The following PLXNA4 variants were observed in gnomAD, a reference collection of about 807,000 sequenced individuals.
PLXNA4 encodes plexin A4.
PLXNA4 carries 44 observed loss-of-function variants against 191.8 expected under a neutral mutation model. The ratio of observed to expected loss-of-function variants is 0.23; its 90% CI spans 0.18 to 0.29. PLXNA4 has a LOEUF of 0.29. Among genes scored for constraint, PLXNA4 ranks in the 10% least tolerant of loss-of-function variants. The pLI is 1.00. For missense variants in PLXNA4, 1,800 were observed against 2,488.8 expected, an observed-to-expected ratio of 0.72 and a Z score of 5.89; for synonymous variants, 1,082 against 1,009.5, an observed-to-expected ratio of 1.07 and a Z score of -1.36.
intron 3 of PLXNA4, among the ~76,000 whole-genome samples, chr7:132,305,870 C>T (rs899810394): frequency 6.6e-6 from 1 of 152,012 alleles, no homozygotes; most frequent in African/African-American, 2.4e-5. Context: ...CCTTCACATC[C>T]TCCCCAAACT....
chr7:132,278,510 A>G (rs1160538949), intron 4 of PLXNA4, among the ~76,000 whole-genome samples: 1 of 152,216 alleles, frequency 6.6e-6, no homozygotes, highest in Non-Finnish European at 1.5e-5. Context: ...CCACCAGCCC[A>G]TGCATGGCCA....
In PLXNA4 at chr7:132,127,691, G is replaced by T. The variant is rs1057368073; in HGVS notation, c.*2788C>A. On this transcript the variant is annotated 3_prime_UTR_variant, in exon 32 of 32. Coordinates refer to ENST00000321063, the MANE Select transcript of PLXNA4 (RefSeq NM_020911.2). The stretch of plus-strand genomic sequence containing the variant: ...CCACGGGGACTGCAGCAAACAGAGC[G>T]GCAGAAACAACCCACCCACCAATTA... The T allele has an allele frequency of 2.0e-5, 3 of 152,038 alleles. No individual in the cohort carries two copies. The highest frequency in any genetic ancestry group is 7.2e-5 in the African/African-American group (3 of 41,390). The allele number at this position is 152,038 out of a possible 1,614,324, so 9.4% of individuals were successfully genotyped here.
intron 2 of PLXNA4, among the ~76,000 whole-genome samples, chr7:132,625,216 T>C (rs1803347246): frequency 6.6e-6 from 1 of 152,082 alleles, no homozygotes; most frequent in Non-Finnish European, 1.5e-5. Context: ...GAGTGCCAAA[T>C]CAAGCCTCTC....
chr7:132,451,434 G>C (rs1314749488), intron 3 of PLXNA4, among the ~76,000 whole-genome samples: 1 of 152,118 alleles, frequency 6.6e-6, no homozygotes, highest in Non-Finnish European at 1.5e-5. Flanking sequence ...CAGCTTAGAG[G>C]GTATTTGAGG....
chr7:132,421,090 A>T (rs1211756450), intron 3 of PLXNA4, among the ~76,000 whole-genome samples: 2 of 152,106 alleles, frequency 1.3e-5, no homozygotes, highest in Non-Finnish European at 2.9e-5. Context: ...AAACTCTATG[A>T]TCCTATTCCC....
In PLXNA4 at chr7:132,566,176, T is replaced by TG. The variant is rs111884033; in HGVS notation, c.-87+10245dup. On this transcript the variant is annotated intron_variant, in intron 1 of 31. Coordinates refer to ENST00000321063, the MANE Select transcript of PLXNA4 (RefSeq NM_020911.2). ...AGGAGCACCGTGCCTGCACCAAGCA[T>TG]GGGGGGGCTCTATAATTGGGCACGT... is the stretch of plus-strand genomic sequence containing the variant. 4.4e-3 allele frequency among the ~76,000 whole-genome samples: 670 copies of TG among 152,230 alleles called. 9 individuals are homozygous for TG. Among genetic ancestry groups the TG allele is most frequent in the African/African-American group, 0.015 (621 of 41,536 alleles).
chr7:132,271,970 G>A (rs1178876356), intron 4 of PLXNA4, among the ~76,000 whole-genome samples: 1 of 152,184 alleles, frequency 6.6e-6, no homozygotes, highest in Non-Finnish European at 1.5e-5. Context: ...AGAAATGCAA[G>A]ATTTTGAAAA....
intron 3 of PLXNA4, among the ~76,000 whole-genome samples, chr7:132,323,399 G>C (rs565855289): frequency 6.6e-6 from 1 of 152,278 alleles, no homozygotes; most frequent in South Asian, 2.1e-4. Context: ...CTAATCCTTC[G>C]AGTGATCTGA....
chr7:132,502,523 A>G lies in PLXNA4; in HGVS notation c.1188+4983T>C, dbSNP rs1016266743. On this transcript the variant is annotated intron_variant, in intron 2 of 31. Transcript: ENST00000321063. ...TTTTCTAGTCTTGTAGTGGCTGGGA[A>G]CTTCCACTGGTGCTCAGCACTGTAG... Among the ~76,000 whole-genome samples the G allele has an allele frequency of 1.8e-4, 27 of 152,058 alleles. No homozygotes were observed. In the South Asian group the frequency reaches 2.3e-3, roughly 13 times the overall value.
intron 7 of PLXNA4, among the ~76,000 whole-genome samples, chr7:132,226,587 T>C (rs960692170): frequency 6.6e-6 from 1 of 151,784 alleles, no homozygotes; most frequent in African/African-American, 2.4e-5. Flanking sequence ...GAGAAACACA[T>C]ATGTAGACTT....
intron 4 of PLXNA4, among the ~76,000 whole-genome samples, chr7:132,285,810 A>T (rs1317227030): frequency 6.6e-6 from 1 of 152,210 alleles, no homozygotes; most frequent in East Asian, 1.9e-4. Flanking sequence ...CATGGAATTT[A>T]ACTATTTCCA....
intron 12 of PLXNA4, among the ~76,000 whole-genome samples, chr7:132,198,950 C>CT (rs902199413): frequency 2.6e-5 from 4 of 152,140 alleles, no homozygotes; most frequent in African/African-American, 9.7e-5. Context: ...GGATTCATGC[C>CT]TTCTAGCATT....
At chr7:132,407,144 T>C (rs1242369715) in intron 3 of PLXNA4, among the ~76,000 whole-genome samples, 2 of 152,236 alleles carry the variant, frequency 1.3e-5, no homozygotes, top group Admixed American at 6.5e-5. Flanking sequence ...CTGGTAGTCC[T>C]GCCTGACAGA....
intron 3 of PLXNA4, among the ~76,000 whole-genome samples, chr7:132,385,477 C>T (rs1355265633): frequency 6.6e-6 from 1 of 152,144 alleles, no homozygotes; most frequent in African/African-American, 2.4e-5. Context: ...CTAACAAGGC[C>T]ACAGTTGAAG....
chr7:132,453,899 T>A (rs1014126361), intron 3 of PLXNA4, among the ~76,000 whole-genome samples: 3 of 152,226 alleles, frequency 2.0e-5, no homozygotes, highest in Admixed American at 2.0e-4. Flanking sequence ...TCAGTGACTA[T>A]AATAATCATT....
chr7:132,135,355 T>A (rs1355423854), intron 30 of PLXNA4, among the ~76,000 whole-genome samples: 1 of 152,160 alleles, frequency 6.6e-6, no homozygotes, highest in Non-Finnish European at 1.5e-5. Flanking sequence ...AAACCCAGGT[T>A]CCCATGGAAA....
chr7:132,317,035 TG>T (rs1288127397), intron 3 of PLXNA4, among the ~76,000 whole-genome samples: 1 of 152,212 alleles, frequency 6.6e-6, no homozygotes, highest in East Asian at 1.9e-4. Flanking sequence ...TGTGTTGTGT[TG>T]TGTTAGACTG....
At chr7:132,350,523 T>TA (rs1389139613) in intron 3 of PLXNA4, among the ~76,000 whole-genome samples, 2 of 151,758 alleles carry the variant, frequency 1.3e-5, no homozygotes, top group East Asian at 3.9e-4. Flanking sequence ...AAATAAAAAA[T>TA]AAAAAAATAA....
At chr7:132,618,314 A>G (rs951572677) in intron 2 of PLXNA4, among the ~76,000 whole-genome samples, 1 of 152,178 alleles carries the variant, frequency 6.6e-6, no homozygotes, top group African/African-American at 2.4e-5. Context: ...ATTCTTCAGC[A>G]TTCATCACGG....
Sources: gnomAD v4.1 joint callset for allele counts (sites outside exome capture counted in the v4.1 genomes callset) on GRCh38, gnomAD v4.1.1 for gene constraint, MANE v1.5 for transcripts, NCBI Gene and HGNC (gene_info 2026-07-23, HGNC 2026-07-21) for gene names.